ECSIT: variants seen among roughly 807,000 people sequenced by gnomAD.
The protein encoded by ECSIT is evolutionarily conserved signaling intermediate in Toll pathway, mitochondrial.
ECSIT carries 29 observed loss-of-function variants against 36.8 expected under a neutral mutation model. The observed-to-expected ratio is 0.79, with a 90% CI of 0.59 to 1.08. The LOEUF is 1.08. ECSIT is among the 50% of genes least tolerant of loss of function. The pLI, the probability that ECSIT is intolerant of heterozygous loss-of-function variation, is 0.00. For synonymous variants in ECSIT, 231 were observed against 234.8 expected (o/e 0.98, Z 0.15); for missense variants, 542 against 581.0 (o/e 0.93, Z 0.69).
At chr19:11,513,342 GA>G (rs1971913091) in intron 3 of ECSIT, 63 bp from the exon 4 acceptor site, 1 of 1,376,670 alleles carries the variant, frequency 7.3e-7, no homozygotes, top group Non-Finnish European at 1.0e-6. Flanking sequence ...GGGAAGAGGA[GA>G]AAAGAAAACA....
At chr19:11,524,496 T>A (rs1468205656) in intron 1 of ECSIT, among the ~76,000 whole-genome samples, 1 of 151,342 alleles carries the variant, frequency 6.6e-6, no homozygotes, top group Admixed American at 6.6e-5. Context: ...TGCACTCCAG[T>A]CTGGATGACA....
rs1971740131 is a variant in ECSIT at position 11,506,433 on chromosome 19, T to A, written c.1052-5A>T. On this transcript the variant is annotated splice_region_variant and splice_polypyrimidine_tract_variant and intron_variant, in intron 7 of 7. Coordinates refer to ENST00000270517, the MANE Select transcript of ECSIT (RefSeq NM_016581.5). ...CGAAGACAGGGCCTTCCTCCACTGT[T>A]GGAAGACATGCACCCTTAAGGTTTG... is the stretch of plus-strand genomic sequence containing the variant. The A allele has an allele frequency of 6.2e-7, 1 of 1,609,218 alleles. No homozygotes were observed. The highest frequency in any genetic ancestry group is 1.3e-5 in the African/African-American group (1 of 74,802).
intron 1 of ECSIT, among the ~76,000 whole-genome samples, chr19:11,526,003 C>T (rs1381360761): frequency 1.3e-5 from 2 of 151,460 alleles, no homozygotes; most frequent in Non-Finnish European, 1.5e-5. Context: ...CTTGCTCTGT[C>T]GCCCAGGCTG....
chr19:11,506,296 C>A lies in ECSIT; in HGVS notation c.1184G>T (p.Gly395Val), dbSNP rs756026923. Residue 395 changes from glycine to valine, a missense_variant, in exon 8 of 8, where the codon GGG (glycine) becomes GTG (valine). Physicochemically the swap from Gly to Val is moderately radical, Grantham distance 109. Coordinates refer to ENST00000270517, the MANE Select transcript of ECSIT (RefSeq NM_016581.5). Reference sequence around the variant, plus strand: ...GGATGTCTGGAGCTCCCGGGTGGACCCGGCGAGGCGGAAGACCACGGGGAT... The same window carrying A: ...GGATGTCTGGAGCTCCCGGGTGGACACGGCGAGGCGGAAGACCACGGGGAT... ...AQIPVVFRLA[G>V]STRELQTSSA... is the part of the protein sequence containing the mutation. The A allele has an allele frequency of 6.2e-6, 10 of 1,612,940 alleles. No homozygotes were observed. In the East Asian group the frequency reaches 2.2e-4, roughly 36 times the overall value.
chr19:11,506,529 C>CTTTTTT lies in ECSIT; in HGVS notation c.1052-107_1052-102dup, dbSNP rs71166605. The CTTTTTT allele has an allele frequency of 2.9e-3, 1,989 of 678,210 alleles. 189 individuals are homozygous for CTTTTTT. The African/African-American group carries it at 0.061, about 21-fold the overall frequency. The allele number at this position is 678,210 out of a possible 1,614,324, so 42.0% of individuals were successfully genotyped here. A position where few individuals can be genotyped will look rare whatever the true frequency, so the allele number is the denominator to read the frequency against. Reference sequence around the variant, plus strand: ...GGTATTTTACACTCCCTTCCACTTCCTTTTTTTTTTTTTTTTTTTTTTTGA... The same window carrying CTTTTTT: ...GGTATTTTACACTCCCTTCCACTTCCTTTTTTTTTTTTTTTTTTTTTTTTTTTTTGA... On this transcript the variant is annotated intron_variant, in intron 7 of 7. Coordinates refer to ENST00000270517, the MANE Select transcript of ECSIT (RefSeq NM_016581.5).
chr19:11,522,305 T>C (rs1972121389), intron 1 of ECSIT: 1 of 661,424 alleles, frequency 1.5e-6, no homozygotes, highest in Non-Finnish European at 2.7e-6. Context: ...TACCGAGACA[T>C]GGGCGCCCGG....
chr19:11,506,109 ACACT>A lies in ECSIT; in HGVS notation c.*71_*74del. 3 of 1,564,936 alleles carry A rather than the reference ACACT, an allele frequency of 1.9e-6. No homozygotes were observed. Among genetic ancestry groups the A allele is most frequent in the Non-Finnish European group, 2.6e-6 (3 of 1,160,698 alleles). ...AAGCAGGAAAACATTGATTTGCTGT[ACACT>A]CAAAGGGCATCTCATGCCTTCAGTC... On this transcript the variant is annotated 3_prime_UTR_variant, in exon 8 of 8. Coordinates refer to ENST00000270517, the MANE Select transcript of ECSIT (RefSeq NM_016581.5).
Position 11,508,052 on chromosome 19 carries a change from C to A in ECSIT, c.739-4G>T. The A allele has an allele frequency of 1.9e-6, 3 of 1,614,000 alleles. No homozygotes were observed. The highest frequency in any genetic ancestry group is 2.5e-6 in the Non-Finnish European group (3 of 1,179,976). ...TTGAGTCTTTGGGCAAAGGAACCTG[C>A]AAGGGAGAGTAGGGATATAATCTTG... On this transcript the variant is annotated splice_region_variant and splice_polypyrimidine_tract_variant and intron_variant, in intron 4 of 7. Coordinates refer to ENST00000270517, the MANE Select transcript of ECSIT (RefSeq NM_016581.5).
At chr19:11,515,439 C>T (rs927259791) in intron 2 of ECSIT, among the ~76,000 whole-genome samples, 1 of 151,688 alleles carries the variant, frequency 6.6e-6, no homozygotes, top group African/African-American at 2.4e-5. Context: ...GCATGAGCCA[C>T]TGTACCCAGC....
intron 1 of ECSIT, chr19:11,523,883 A>C: frequency 6.6e-6 from 3 of 456,614 alleles, no homozygotes; most frequent in South Asian, 3.7e-5. Context: ...ACTGTTATGT[A>C]ATCACTGAGA....
intron 4 of ECSIT, among the ~76,000 whole-genome samples, chr19:11,508,698 G>A (rs535405181): frequency 2.6e-5 from 4 of 151,884 alleles, no homozygotes; most frequent in Non-Finnish European, 4.4e-5. Flanking sequence ...GACTACAGGC[G>A]CCTGCCACCA....
At position 11,513,113 on chromosome 19, in the gene ECSIT, G is replaced by T; in HGVS notation, c.681C>A (p.Ala227=). The change falls in exon 4 of 8, where the codon GCC becomes GCA. Residue 227 remains alanine (A), a synonymous_variant. Transcript: ENST00000270517. ...RDLPQDPVEL[A]MFGLRHMEPD... ...GCTCCATGTGCCGCAGGCCAAACATGGCCAGCTCCACAGGGTCCTGGGGCA... is the reference window on the plus strand; with the variant it reads ...GCTCCATGTGCCGCAGGCCAAACATTGCCAGCTCCACAGGGTCCTGGGGCA... 1 of 1,614,228 alleles carries T rather than the reference G, an allele frequency of 6.2e-7. No homozygotes were observed. Among genetic ancestry groups the T allele is most frequent in the Non-Finnish European group, 8.5e-7 (1 of 1,180,052 alleles).
chr19:11,506,859 A>G (rs186414536), intron 7 of ECSIT, among the ~76,000 whole-genome samples: 98 of 152,018 alleles, frequency 6.4e-4, no homozygotes, highest in African/African-American at 2.3e-3. Context: ...TGTGCCTCCA[A>G]ACCTTTGCAC....
At chr19:11,507,187 G>A (rs1030484457) in intron 7 of ECSIT, among the ~76,000 whole-genome samples, 1 of 152,060 alleles carries the variant, frequency 6.6e-6, no homozygotes, top group Non-Finnish European at 1.5e-5. Flanking sequence ...AGTGGACTGC[G>A]TCTCAGCCTG....
At chr19:11,522,649 G>GTTACA (rs1972129799) in intron 1 of ECSIT, among the ~76,000 whole-genome samples, 1 of 152,088 alleles carries the variant, frequency 6.6e-6, no homozygotes, top group African/African-American at 2.4e-5. Flanking sequence ...GGGAGGCAAT[G>GTTACA]TTACAGTAAG....
chr19:11,522,213 C>T, intron 1 of ECSIT: 4 of 549,546 alleles, frequency 7.3e-6, no homozygotes, highest in East Asian at 3.3e-5. Flanking sequence ...CATCTGGCTG[C>T]GCTACAAACT....
intron 4 of ECSIT, among the ~76,000 whole-genome samples, chr19:11,512,162 T>C (rs1415111507): frequency 6.6e-6 from 1 of 151,744 alleles, no homozygotes; most frequent in Non-Finnish European, 1.5e-5. Flanking sequence ...CTGGGCAACA[T>C]GGTGGAACCC....
At chr19:11,528,157 T>C (rs577256215) in intron 1 of ECSIT, among the ~76,000 whole-genome samples, 44 of 152,344 alleles carry the variant, frequency 2.9e-4, no homozygotes, top group African/African-American at 1.0e-3. Flanking sequence ...AGAGCTTTCT[T>C]CCTCCAGATC....
chr19:11,524,324 C>T (rs2145002247), intron 1 of ECSIT, among the ~76,000 whole-genome samples: 1 of 152,132 alleles, frequency 6.6e-6, no homozygotes, highest in East Asian at 2.0e-4. Flanking sequence ...GAGATCGAGA[C>T]TATCCTGGCC....
Sources: allele counts gnomAD v4.1 joint callset (sites outside exome capture counted in the v4.1 genomes callset), GRCh38; gene constraint gnomAD v4.1.1; transcripts MANE v1.5; gene names NCBI Gene and HGNC (gene_info 2026-07-23, HGNC 2026-07-21).